The following DOK5 variants were observed in gnomAD, a reference collection of about 807,000 sequenced individuals.
The protein encoded by DOK5 is downstream of tyrosine kinase 5.
Under a neutral mutation model 43.3 loss-of-function variants are expected in DOK5, and 27 were observed. That is an observed-to-expected ratio of 0.62 (90% CI 0.46 to 0.86). DOK5 has a LOEUF of 0.86. DOK5 is among the 40% of genes least tolerant of loss of function. The probability of loss-of-function intolerance (pLI) is 0.00; values close to 1 mark genes in which losing one functional copy is unlikely to be tolerated. For missense variants in DOK5, 373 were observed against 392.9 expected (o/e 0.95, Z 0.43); for synonymous variants, 146 against 140.1 (o/e 1.04, Z -0.30).
At chr20:54,645,837 T>C (rs532211323) in intron 7 of DOK5, among the ~76,000 whole-genome samples, 2 of 149,662 alleles carry the variant, frequency 1.3e-5, no homozygotes, top group East Asian at 3.9e-4. Flanking sequence ...TGCATAATGT[T>C]AAGAAAGCAC....
chr20:54,605,896 C>A (rs1465615834), intron 5 of DOK5, among the ~76,000 whole-genome samples: 1 of 152,212 alleles, frequency 6.6e-6, no homozygotes, highest in Non-Finnish European at 1.5e-5. Flanking sequence ...CTATTTAATA[C>A]TTGCAGTAAA....
chr20:54,554,905 TG>T (rs758666608), intron 1 of DOK5, 27 bp from the exon 2 acceptor site: 6 of 1,419,748 alleles, frequency 4.2e-6, no homozygotes, highest in Non-Finnish European at 5.0e-6. Context: ...GGGGAGATGC[TG>T]AGCTCAGTCT....
chr20:54,538,312 G>A (rs1984026905), intron 1 of DOK5, among the ~76,000 whole-genome samples: 1 of 151,858 alleles, frequency 6.6e-6, no homozygotes, highest in Non-Finnish European at 1.5e-5. Context: ...GCAGAAGGAA[G>A]TTTACTCATC....
In DOK5 at chr20:54,554,921, A is replaced by T; in HGVS notation, c.67-12A>T. 6.3e-7 allele frequency: 1 copy of T among 1,577,452 alleles called. No individual in the cohort carries two copies. The highest frequency in any genetic ancestry group is 8.7e-7 in the Non-Finnish European group (1 of 1,146,674). ...GGGAGATGCTGAGCTCAGTCTTTGT[A>T]TTTCCTTCCAGATTTATCAGCGATG... On this transcript the variant is annotated splice_polypyrimidine_tract_variant and intron_variant, in intron 1 of 7. Transcript: ENST00000262593.
Position 54,553,340 on chromosome 20 carries a change from T to C in DOK5, c.67-1593T>C, listed in dbSNP as rs556145905. On this transcript the variant is annotated intron_variant, in intron 1 of 7. Transcript: ENST00000262593. The stretch of plus-strand genomic sequence containing the variant: ...CCTCCCAAGTAGCTGGGACGGCAGG[T>C]GCCCGCCACCATGCCCGGCTAACTT... 7.2e-5 allele frequency among the ~76,000 whole-genome samples: 11 copies of C among 152,096 alleles called. No individual in the cohort carries two copies. The East Asian group carries it at 7.9e-4, about 11-fold the overall frequency.
intron 5 of DOK5, among the ~76,000 whole-genome samples, chr20:54,608,375 T>C (rs926318937): frequency 2.2e-4 from 33 of 152,156 alleles, no homozygotes; most frequent in African/African-American, 8.0e-4. Context: ...TCCTAATTGA[T>C]GGAATAAAGA....
At chr20:54,601,548 G>A (rs1986298275) in intron 5 of DOK5, among the ~76,000 whole-genome samples, 1 of 152,078 alleles carries the variant, frequency 6.6e-6, no homozygotes, top group Non-Finnish European at 1.5e-5. Context: ...TCTGTTTGTT[G>A]GTTGGTTTTT....
chr20:54,561,021 C>A (rs145235050), intron 2 of DOK5, among the ~76,000 whole-genome samples: 4 of 152,204 alleles, frequency 2.6e-5, no homozygotes, highest in Admixed American at 6.5e-5. Context: ...TTGACTTACT[C>A]TCTTCCATAT....
rs906408318 is a variant in DOK5 at position 54,586,490 on chromosome 20, G to A, written c.175-1993G>A. ...CATATAGTCCACTTATAATTATTGA[G>A]TTCTCAATATGTGAGGGGTTCTGTG... On this transcript the variant is annotated intron_variant, in intron 2 of 7. Coordinates refer to ENST00000262593, the MANE Select transcript of DOK5 (RefSeq NM_018431.5). Among the ~76,000 whole-genome samples, 10 of 152,278 alleles carry A rather than the reference G, an allele frequency of 6.6e-5. 1 individual carries two copies. Among genetic ancestry groups the A allele is most frequent in the East Asian group, 1.9e-4 (1 of 5,182 alleles).
intron 1 of DOK5, among the ~76,000 whole-genome samples, chr20:54,542,215 G>A (rs868078113): frequency 6.6e-6 from 1 of 151,920 alleles, no homozygotes; most frequent in African/African-American, 2.4e-5. Flanking sequence ...TTTGTTCATA[G>A]CCATAGCCCC....
intron 6 of DOK5, among the ~76,000 whole-genome samples, chr20:54,625,004 T>G (rs1987092318): frequency 6.6e-6 from 1 of 152,178 alleles, no homozygotes; most frequent in African/African-American, 2.4e-5. Context: ...TACCCACATT[T>G]TTTTTTCTAA....
chr20:54,575,913 A>G lies in DOK5; in HGVS notation c.175-12570A>G, dbSNP rs1985438546. On this transcript the variant is annotated intron_variant, in intron 2 of 7. Coordinates refer to ENST00000262593, the MANE Select transcript of DOK5 (RefSeq NM_018431.5). ...AAGTAGCGAATCTTAATAATTGTTC[A>G]TCCTAAGTAGAGGATACATTAGTGT... Among the ~76,000 whole-genome samples, 3 of 152,242 alleles carry G rather than the reference A, an allele frequency of 2.0e-5. No homozygotes were observed. In the South Asian group the frequency reaches 6.2e-4, roughly 32 times the overall value.
intron 2 of DOK5, among the ~76,000 whole-genome samples, chr20:54,582,088 GA>G (rs1425650951): frequency 2.0e-5 from 3 of 151,710 alleles, no homozygotes; most frequent in African/African-American, 7.3e-5. Context: ...GAAATGTATT[GA>G]AATTTGTCAA....
intron 6 of DOK5, among the ~76,000 whole-genome samples, chr20:54,614,355 CGA>C (rs1261907712): frequency 1.3e-5 from 2 of 151,990 alleles, no homozygotes; most frequent in East Asian, 3.9e-4. Context: ...GAGGGGAATG[CGA>C]GAGAGAGTGA....
At chr20:54,573,546 G>A (rs1314834485) in intron 2 of DOK5, among the ~76,000 whole-genome samples, 3 of 151,928 alleles carry the variant, frequency 2.0e-5, no homozygotes, top group African/African-American at 7.3e-5. Flanking sequence ...AATTAGCTGG[G>A]TGTGGTGGCA....
chr20:54,555,372 A>G (rs1275192891), intron 2 of DOK5: 1 of 174,410 alleles, frequency 5.7e-6, no homozygotes, highest in East Asian at 1.5e-4. Flanking sequence ...CCTGATGCAG[A>G]AAGACACTCA....
At chr20:54,639,892 C>T (rs1029791536) in intron 6 of DOK5, among the ~76,000 whole-genome samples, 17 of 152,276 alleles carry the variant, frequency 1.1e-4, no homozygotes, top group African/African-American at 2.6e-4. Flanking sequence ...GTGAGCTATA[C>T]GTACATTTGA....
At chr20:54,616,784 C>CTTTTTTTTTTTTTTTTTT (rs550110589) in intron 6 of DOK5, among the ~76,000 whole-genome samples, 13 of 105,736 alleles carry the variant, frequency 1.2e-4, no homozygotes, top group East Asian at 5.2e-4. Flanking sequence ...TTTTTTTTTT[C>CTTTTTTTTTTTTTTTTTT]TTTTTTTTTT....
intron 1 of DOK5, among the ~76,000 whole-genome samples, chr20:54,483,185 A>G (rs922647419): frequency 6.6e-6 from 1 of 152,238 alleles, no homozygotes; most frequent in Non-Finnish European, 1.5e-5. Context: ...GTGACTTTGT[A>G]TATAGACATA....
Sources: allele counts gnomAD v4.1 joint callset (sites outside exome capture counted in the v4.1 genomes callset), GRCh38; gene constraint gnomAD v4.1.1; transcripts MANE v1.5; gene names NCBI Gene and HGNC (gene_info 2026-07-23, HGNC 2026-07-21).